LHX2: variants seen among roughly 807,000 people sequenced by gnomAD.
LHX2 encodes the protein LIM homeobox 2.
LHX2 carries 6 observed loss-of-function variants against 33.0 expected under a neutral mutation model. That is an observed-to-expected ratio of 0.18 (90% CI 0.10 to 0.36). The LOEUF is 0.36. Ranked by LOEUF, LHX2 falls within the 10% of genes least tolerant of loss-of-function variation. The pLI is 1.00. For synonymous variants in LHX2, 292 were observed against 253.1 expected (o/e 1.15, Z -1.46); for missense variants, 442 against 586.2 (o/e 0.75, Z 2.54).
At position 124,032,727 on chromosome 9, in the gene LHX2, C is replaced by G. The variant is rs1828718734; in HGVS notation, c.*20C>G. On this transcript the variant is annotated 3_prime_UTR_variant, in exon 5 of 5. Coordinates refer to ENST00000373615, the MANE Select transcript of LHX2 (RefSeq NM_004789.4). The surrounding 1 kb of genome is among the most constrained non-coding windows in gnomAD (Gnocchi z 4.1). The stretch of plus-strand genomic sequence containing the variant: ...TTCTAATGACTCGCAACCCCTCACC[C>G]CACAATTTCTTTAAAAAAGAAATTA... The G allele has an allele frequency of 6.6e-7, 1 of 1,526,692 alleles. No homozygotes were observed. The highest frequency in any genetic ancestry group is 2.4e-5 in the East Asian group (1 of 42,354). 94.6% of individuals were successfully genotyped at this position (1,526,692 alleles called of 1,614,324 possible). A position where few individuals can be genotyped will look rare whatever the true frequency, so the allele number is the denominator to read the frequency against.
intron 4 of LHX2, among the ~76,000 whole-genome samples, chr9:124,027,537 G>T (rs1828644105): frequency 6.6e-6 from 1 of 151,666 alleles, no homozygotes; most frequent in Non-Finnish European, 1.5e-5. Context: ...GCCTGGCACT[G>T]GCTGGGTGTG....
At chr9:124,028,936 C>T (rs367704426) in intron 4 of LHX2, among the ~76,000 whole-genome samples, 4 of 152,070 alleles carry the variant, frequency 2.6e-5, no homozygotes, top group Non-Finnish European at 4.4e-5. Flanking sequence ...GGTGAAACTC[C>T]GTCTGTACTA....
Position 124,015,003 on chromosome 9 carries a change from G to T in LHX2, c.324-119G>T. The T allele has an allele frequency of 4.3e-6, 5 of 1,152,032 alleles. No individual in the cohort carries two copies. Among genetic ancestry groups the T allele is most frequent in the Non-Finnish European group, 6.2e-6 (5 of 811,034 alleles). 71.4% of individuals were successfully genotyped at this position (1,152,032 alleles called of 1,614,324 possible). On this transcript the variant is annotated intron_variant, in intron 2 of 4. Coordinates refer to ENST00000373615, the MANE Select transcript of LHX2 (RefSeq NM_004789.4). This position sits in a 1 kb window ranked among gnomAD's most constrained non-coding sequence, Gnocchi z 7.9. ...TCTCCCCCCCATCCTCCAAATAAAGGCCGGGTTGTTCGTCTTGAGGAGGGG... is the reference window on the plus strand; with the variant it reads ...TCTCCCCCCCATCCTCCAAATAAAGTCCGGGTTGTTCGTCTTGAGGAGGGG...
In LHX2 at chr9:124,032,539, G is replaced by A. The variant is rs149656598; in HGVS notation, c.1053G>A (p.Ser351=). Residue 351 remains serine, a synonymous_variant, in exon 5 of 5, where the codon TCG becomes TCA. Transcript: ENST00000373615. The surrounding 1 kb of genome is among the most constrained non-coding windows in gnomAD (Gnocchi z 4.1). ...LQTGTPSGPA[S]ELSNASLSPS... Reference sequence around the variant, plus strand: ...CAGGGACGCCATCGGGCCCGGCCTCGGAGCTCTCCAACGCCTCGCTCAGCC... The same window carrying A: ...CAGGGACGCCATCGGGCCCGGCCTCAGAGCTCTCCAACGCCTCGCTCAGCC... The A allele has an allele frequency of 4.1e-4, 655 of 1,613,910 alleles. 1 individual carries two copies. Among genetic ancestry groups the A allele is most frequent in the Non-Finnish European group, 5.4e-4 (636 of 1,180,036 alleles).
chr9:124,012,186 G>C lies in LHX2; in HGVS notation c.-163G>C. ...GAGGCGTCCTGCCCCGCGAGCGCCC[G>C]GGGCCCGGAGCCCGGCCTGGGGGCT... On this transcript the variant is annotated 5_prime_UTR_variant, in exon 1 of 5. Coordinates refer to ENST00000373615, the MANE Select transcript of LHX2 (RefSeq NM_004789.4). This position sits in a 1 kb window ranked among gnomAD's most constrained non-coding sequence, Gnocchi z 4.3. 5 of 571,758 alleles carry C rather than the reference G, an allele frequency of 8.7e-6. No individual in the cohort carries two copies. The highest frequency in any genetic ancestry group is 2.0e-5 in the African/African-American group (1 of 50,184). 35.4% of individuals were successfully genotyped at this position (571,758 alleles called of 1,614,324 possible).
chr9:124,020,434 C>A (rs1253264180), intron 3 of LHX2, among the ~76,000 whole-genome samples: 3 of 152,130 alleles, frequency 2.0e-5, no homozygotes, highest in African/African-American at 7.2e-5. Flanking sequence ...CAACCTTTGG[C>A]CCAGTGCCCA....
Position 124,014,833 on chromosome 9 carries a change from TG to T in LHX2, c.324-287del, listed in dbSNP as rs1162673546. The stretch of plus-strand genomic sequence containing the variant: ...GAGTAAAGGTTGAGGAGGGGGTAAG[TG>T]GTAAGTGTCTCCCTCCACTCCCAGG... On this transcript the variant is annotated intron_variant, in intron 2 of 4. Coordinates refer to ENST00000373615, the MANE Select transcript of LHX2 (RefSeq NM_004789.4). The surrounding 1 kb of genome is among the most constrained non-coding windows in gnomAD (Gnocchi z 4.8). Among the ~76,000 whole-genome samples the T allele has an allele frequency of 6.6e-6, 1 of 151,948 alleles. No homozygotes were observed. The highest frequency in any genetic ancestry group is 1.9e-4 in the East Asian group (1 of 5,174).
Position 124,014,202 on chromosome 9 carries a change from C to G in LHX2, c.323+39C>G. The G allele has an allele frequency of 7.2e-7, 1 of 1,390,202 alleles. No homozygotes were observed. Among genetic ancestry groups the G allele is most frequent in the Non-Finnish European group, 9.9e-7 (1 of 1,005,164 alleles). The allele number at this position is 1,390,202 out of a possible 1,614,324, so 86.1% of individuals were successfully genotyped here. ...CCAACTGCCCCTCAGGACCCCTCCC[C>G]CCAATCTCAGGCACAGTCTTACAGT... On this transcript the variant is annotated intron_variant, in intron 2 of 4. Coordinates refer to ENST00000373615, the MANE Select transcript of LHX2 (RefSeq NM_004789.4). The surrounding 1 kb of genome is among the most constrained non-coding windows in gnomAD (Gnocchi z 4.8).
chr9:124,033,171 G>GAAAAAAAA lies in LHX2; in HGVS notation c.*469_*476dup, dbSNP rs565220739. On this transcript the variant is annotated 3_prime_UTR_variant, in exon 5 of 5. Transcript: ENST00000373615. ...TTGAATAGTCCTAAAAAGAAAAAAA[G>GAAAAAAAA]AAAAAAAAAAAAGGAAAAATCAAAC... The GAAAAAAAA allele has an allele frequency of 1.5e-5, 2 of 133,632 alleles. No homozygotes were observed. The highest frequency in any genetic ancestry group is 2.8e-5 in the African/African-American group (1 of 36,322). The allele number at this position is 133,632 out of a possible 1,614,324, so 8.3% of individuals were successfully genotyped here. A position where few individuals can be genotyped will look rare whatever the true frequency, so the allele number is the denominator to read the frequency against.
chr9:124,025,265 A>G (rs1019381109), intron 4 of LHX2, among the ~76,000 whole-genome samples: 23 of 152,024 alleles, frequency 1.5e-4, no homozygotes, highest in Admixed American at 2.6e-4. Flanking sequence ...ACACAGAGAA[A>G]CCCCATCTCT....
intron 4 of LHX2, among the ~76,000 whole-genome samples, chr9:124,022,764 C>CGCAACTGCAGCT (rs1859314697): frequency 6.6e-6 from 1 of 152,248 alleles, no homozygotes; most frequent in Non-Finnish European, 1.5e-5. Flanking sequence ...TGTGACGCGG[C>CGCAACTGCAGCT]GCAACTGCAG....
Position 124,032,673 on chromosome 9 carries a change from G to A in LHX2, c.1187G>A (p.Ser396Asn). The A allele has an allele frequency of 3.7e-6, 6 of 1,608,554 alleles. No individual in the cohort carries two copies. The highest frequency in any genetic ancestry group is 5.1e-6 in the Non-Finnish European group (6 of 1,175,770). The change falls in exon 5 of 5, where the codon AGC becomes AAC. Residue 396 changes from serine to asparagine, a missense_variant. Ser to Asn is a conservative substitution (Grantham distance 46, BLOSUM62 1). Around this residue, in one of 5 missense-constraint regions of LHX2, gnomAD observed 109 missense variants for 98.7 expected, o/e 1.10. Transcript: ENST00000373615. The surrounding 1 kb of genome is among the most constrained non-coding windows in gnomAD (Gnocchi z 4.1). ...PGNLEGHEPHSPSQTTLTNLF is the reference protein window; with the variant it reads ...PGNLEGHEPHNPSQTTLTNLF ...AACCTGGAGGGCCATGAGCCTCACAGCCCCTCACAAACGACTCTTACCAAC... is the reference window on the plus strand; with the variant it reads ...AACCTGGAGGGCCATGAGCCTCACAACCCCTCACAAACGACTCTTACCAAC...
At position 124,012,609 on chromosome 9, in the gene LHX2, C is replaced by T. The variant is rs1859112612; in HGVS notation, c.120+141C>T. 1.9e-6 allele frequency: 2 copies of T among 1,052,728 alleles called. No individual in the cohort carries two copies. The highest frequency in any genetic ancestry group is 4.5e-5 in the South Asian group (2 of 44,538). The allele number at this position is 1,052,728 out of a possible 1,614,324, so 65.2% of individuals were successfully genotyped here. A position where few individuals can be genotyped will look rare whatever the true frequency, so the allele number is the denominator to read the frequency against. ...GGGATCCTCGGTCAGAATGCAAGGC[C>T]GGTGGCTCCCGGTTCGGGGGAAACC... On this transcript the variant is annotated intron_variant, in intron 1 of 4. Coordinates refer to ENST00000373615, the MANE Select transcript of LHX2 (RefSeq NM_004789.4). This position sits in a 1 kb window ranked among gnomAD's most constrained non-coding sequence, Gnocchi z 4.3.
rs1411817399 is a variant in LHX2 at position 124,016,295 on chromosome 9, TTCCCGGAGAAGCTCTGCCCCC to T, written c.727+776_727+796del. On this transcript the variant is annotated intron_variant, in intron 3 of 4. Coordinates refer to ENST00000373615, the MANE Select transcript of LHX2 (RefSeq NM_004789.4). This position sits in a 1 kb window ranked among gnomAD's most constrained non-coding sequence, Gnocchi z 4.4. ...TCCGGCATCTTTGAACCCCAGGCCATTCCCGGAGAAGCTCTGCCCCCTCCCGCGCCCCTCCCTGCTCAGGAC... is the reference window on the plus strand; with the variant it reads ...TCCGGCATCTTTGAACCCCAGGCCATTCCCGCGCCCCTCCCTGCTCAGGAC... Among the ~76,000 whole-genome samples the T allele has an allele frequency of 6.6e-6, 1 of 152,118 alleles. No individual in the cohort carries two copies. Among genetic ancestry groups the T allele is most frequent in the Non-Finnish European group, 1.5e-5 (1 of 68,010 alleles).
At chr9:124,024,145 G>A (rs1397416906) in intron 4 of LHX2, among the ~76,000 whole-genome samples, 1 of 152,216 alleles carries the variant, frequency 6.6e-6, no homozygotes, top group African/African-American at 2.4e-5. Flanking sequence ...ACTGGGGGTG[G>A]GGCATACGTG....
At position 124,016,092 on chromosome 9, in the gene LHX2, C is replaced by G. The variant is rs1378120604; in HGVS notation, c.727+567C>G. 6.6e-6 allele frequency among the ~76,000 whole-genome samples: 1 copy of G among 152,260 alleles called. No individual in the cohort carries two copies. The highest frequency in any genetic ancestry group is 1.5e-5 in the Non-Finnish European group (1 of 68,052). On this transcript the variant is annotated intron_variant, in intron 3 of 4. Transcript: ENST00000373615. This position sits in a 1 kb window ranked among gnomAD's most constrained non-coding sequence, Gnocchi z 4.4. Reference sequence around the variant, plus strand: ...GGTTCCTTTTGCTCGGCCCGATCCTCCTTTAAAGACAGGTCTCAGTTTTCC... The same window carrying G: ...GGTTCCTTTTGCTCGGCCCGATCCTGCTTTAAAGACAGGTCTCAGTTTTCC...
At chr9:124,029,730 A>G (rs1249097026) in intron 4 of LHX2, among the ~76,000 whole-genome samples, 1 of 152,196 alleles carries the variant, frequency 6.6e-6, no homozygotes, top group Non-Finnish European at 1.5e-5. Context: ...CGCTCCAGCT[A>G]CTGCTCTGAG....
Position 124,032,822 on chromosome 9 carries a change from C to CT in LHX2, c.*116dup. The CT allele has an allele frequency of 8.2e-7, 1 of 1,213,864 alleles. No homozygotes were observed. The highest frequency in any genetic ancestry group is 2.6e-5 in the Admixed American group (1 of 38,446). The allele number at this position is 1,213,864 out of a possible 1,614,324, so 75.2% of individuals were successfully genotyped here. A position where few individuals can be genotyped will look rare whatever the true frequency, so the allele number is the denominator to read the frequency against. On this transcript the variant is annotated 3_prime_UTR_variant, in exon 5 of 5. Transcript: ENST00000373615. This position sits in a 1 kb window ranked among gnomAD's most constrained non-coding sequence, Gnocchi z 4.1. ...CAACTAACTAACCACATTTTAGGAT[C>CT]TCGCCTGGAAACAGAGGTAAAAAAA...
At chr9:124,027,121 G>C (rs78398446) in intron 4 of LHX2, among the ~76,000 whole-genome samples, 2,014 of 152,272 alleles carry the variant, frequency 0.013, 48 homozygotes, top group African/African-American at 0.046. Context: ...GTGGTTCTAG[G>C]CCTGGGGCTA....
Sources: allele counts gnomAD v4.1 joint callset (sites outside exome capture counted in the v4.1 genomes callset), GRCh38; gene constraint gnomAD v4.1.1; regional missense constraint gnomAD v4.1.1; non-coding constraint Gnocchi (gnomAD v3.1); transcripts MANE v1.5; gene names NCBI Gene and HGNC (gene_info 2026-07-23, HGNC 2026-07-21).